The following GFRA1 variants were observed in gnomAD, a reference collection of about 807,000 sequenced individuals.
GFRA1 encodes GDNF family receptor alpha 1.
In GFRA1, 16 loss-of-function variants were observed where a neutral mutation model predicts 51.6. The ratio of observed to expected loss-of-function variants is 0.31; its 90% confidence interval spans 0.21 to 0.47. GFRA1 has a LOEUF of 0.47. Ranked by LOEUF, GFRA1 falls within the 20% of genes least tolerant of loss-of-function variation. GFRA1 has a pLI of 1.00. For missense variants in GFRA1, 530 were observed against 594.3 expected (o/e 0.89, Z 1.13); for synonymous variants, 270 against 241.3 (o/e 1.12, Z -1.10).
chr10:116,123,544 A>C (rs994006842), intron 6 of GFRA1, among the ~76,000 whole-genome samples: 1 of 152,008 alleles, frequency 6.6e-6, no homozygotes, highest in African/African-American at 2.4e-5. Context: ...ACCAGAATAA[A>C]ACTTAAGTTG....
At chr10:116,231,336 T>C (rs1966664468) in intron 4 of GFRA1, among the ~76,000 whole-genome samples, 1 of 152,162 alleles carries the variant, frequency 6.6e-6, no homozygotes, top group Non-Finnish European at 1.5e-5. Context: ...TGAGCCTCAG[T>C]TTCTTCATGT....
chr10:116,129,184 T>C (rs1006791958), intron 5 of GFRA1, among the ~76,000 whole-genome samples: 11 of 152,304 alleles, frequency 7.2e-5, no homozygotes, highest in Admixed American at 3.9e-4. Context: ...ACTTGACATT[T>C]GAGGTCAGCA....
At chr10:116,089,298 T>C (rs933150963) in intron 9 of GFRA1, among the ~76,000 whole-genome samples, 5 of 152,088 alleles carry the variant, frequency 3.3e-5, no homozygotes, top group Non-Finnish European at 5.9e-5. Context: ...CTGTCTCTGG[T>C]TTACCTTTAG....
intron 4 of GFRA1, among the ~76,000 whole-genome samples, chr10:116,242,580 C>G (rs1286143417): frequency 6.6e-6 from 1 of 151,758 alleles, no homozygotes; most frequent in African/African-American, 2.4e-5. Context: ...CTCCCGGGTT[C>G]AAGCAATTCT....
chr10:116,135,974 T>G (rs77230825), intron 5 of GFRA1, among the ~76,000 whole-genome samples: 2,520 of 148,826 alleles, frequency 0.017, 70 homozygotes, highest in African/African-American at 0.059. Flanking sequence ...TTACATGTAG[T>G]ACTGGCTCTC....
chr10:116,060,014 A>G lies in GFRA1; in HGVS notation c.*4384T>C, dbSNP rs1244308147. 6.6e-6 allele frequency: 1 copy of G among 152,216 alleles called. No homozygotes were observed. Among genetic ancestry groups the G allele is most frequent in the African/African-American group, 2.4e-5 (1 of 41,452 alleles). The allele number at this position is 152,216 out of a possible 1,614,324, so 9.4% of individuals were successfully genotyped here. On this transcript the variant is annotated 3_prime_UTR_variant, in exon 11 of 11. Coordinates refer to ENST00000355422, the MANE Select transcript of GFRA1 (RefSeq NM_005264.8). Reference sequence around the variant, plus strand: ...CAAGGTGGTGGAGGGAGGCCTGAATAATAACGATGAAAGAGAGCTGAATCA... The same window carrying G: ...CAAGGTGGTGGAGGGAGGCCTGAATGATAACGATGAAAGAGAGCTGAATCA...
chr10:116,236,102 C>CT (rs1253157947), intron 4 of GFRA1, among the ~76,000 whole-genome samples: 1 of 152,132 alleles, frequency 6.6e-6, no homozygotes, highest in African/African-American at 2.4e-5. Flanking sequence ...TCTGTTCTGA[C>CT]TAAAATTCAC....
intron 5 of GFRA1, among the ~76,000 whole-genome samples, chr10:116,170,668 T>C (rs936579913): frequency 6.6e-6 from 1 of 152,206 alleles, no homozygotes; most frequent in African/African-American, 2.4e-5. Flanking sequence ...GAAGCTCAGA[T>C]TCAATTCTCC....
intron 9 of GFRA1, among the ~76,000 whole-genome samples, chr10:116,070,705 T>G (rs927432065): frequency 6.6e-6 from 1 of 150,422 alleles, no homozygotes; most frequent in African/African-American, 2.4e-5. Flanking sequence ...AAAAAGAAGC[T>G]CCTTGTTAGT....
At chr10:116,108,356 C>A (rs1415882981) in intron 6 of GFRA1, among the ~76,000 whole-genome samples, 1 of 152,116 alleles carries the variant, frequency 6.6e-6, no homozygotes, top group East Asian at 1.9e-4. Flanking sequence ...GGAATTGTGG[C>A]ATTAGACGTC....
At chr10:116,118,239 C>T (rs988753985) in intron 6 of GFRA1, among the ~76,000 whole-genome samples, 1 of 152,184 alleles carries the variant, frequency 6.6e-6, no homozygotes, top group Non-Finnish European at 1.5e-5. Context: ...ACTCTGCGCT[C>T]ATCGCTTCTC....
chr10:116,203,683 G>C (rs1964512730), intron 5 of GFRA1, among the ~76,000 whole-genome samples: 1 of 152,168 alleles, frequency 6.6e-6, no homozygotes. Context: ...CTAGCCCGAG[G>C]ACAAACTCAT....
intron 6 of GFRA1, among the ~76,000 whole-genome samples, chr10:116,104,285 T>C (rs932619817): frequency 6.6e-6 from 1 of 152,256 alleles, no homozygotes; most frequent in Non-Finnish European, 1.5e-5. Flanking sequence ...AAGGCCCCTG[T>C]GGCCAAGTAC....
chr10:116,210,049 T>G (rs1965071365), intron 5 of GFRA1, among the ~76,000 whole-genome samples: 2 of 152,166 alleles, frequency 1.3e-5, no homozygotes, highest in South Asian at 4.1e-4. Context: ...AGCCAGTGAT[T>G]TGTAGATGAT....
At chr10:116,121,022 C>A (rs915632413) in intron 6 of GFRA1, among the ~76,000 whole-genome samples, 1 of 152,132 alleles carries the variant, frequency 6.6e-6, no homozygotes, top group East Asian at 1.9e-4. Flanking sequence ...TCGATGGAAA[C>A]ATGAGGGAGC....
At chr10:116,119,692 T>C (rs1483154048) in intron 6 of GFRA1, among the ~76,000 whole-genome samples, 1 of 152,220 alleles carries the variant, frequency 6.6e-6, no homozygotes, top group African/African-American at 2.4e-5. Context: ...GCCCAAACAG[T>C]AGAGGATGTC....
rs1163505635 is a variant in GFRA1 at position 116,062,253 on chromosome 10, T to C, written c.*2145A>G. On this transcript the variant is annotated 3_prime_UTR_variant, in exon 11 of 11. Transcript: ENST00000355422. Reference sequence around the variant, plus strand: ...TTAGTCCAGTGTAGATACACAGAGATACCTTAATGAAAACAAAATACACTC... The same window carrying C: ...TTAGTCCAGTGTAGATACACAGAGACACCTTAATGAAAACAAAATACACTC... The C allele has an allele frequency of 2.5e-6, 1 of 397,396 alleles. No homozygotes were observed. Among genetic ancestry groups the C allele is most frequent in the Non-Finnish European group, 4.4e-6 (1 of 225,704 alleles). The allele number at this position is 397,396 out of a possible 1,614,324, so 24.6% of individuals were successfully genotyped here. A position where few individuals can be genotyped will look rare whatever the true frequency, so the allele number is the denominator to read the frequency against.
rs576231570 is a variant in GFRA1, at chr10:116,096,601, C to A, written c.880+54G>T. On this transcript the variant is annotated intron_variant, in intron 7 of 10. Transcript: ENST00000355422. ...CATCAGCAAGGCGCAATGGAAAGAACGCAGGTATATGCAAACCACACTCTT... is the reference window on the plus strand; with the variant it reads ...CATCAGCAAGGCGCAATGGAAAGAAAGCAGGTATATGCAAACCACACTCTT... 373 of 943,742 alleles carry A rather than the reference C, an allele frequency of 4.0e-4. 1 individual carries two copies. The Middle Eastern group carries it at 6.8e-3, about 17-fold the overall frequency. The allele number at this position is 943,742 out of a possible 1,614,324, so 58.5% of individuals were successfully genotyped here.
chr10:116,257,815 G>A (rs897121144), intron 4 of GFRA1, among the ~76,000 whole-genome samples: 1 of 152,164 alleles, frequency 6.6e-6, no homozygotes, highest in Non-Finnish European at 1.5e-5. Context: ...GATGACAAAG[G>A]TCAAGCCCCT....
Sources: gnomAD v4.1 joint callset for allele counts (sites outside exome capture counted in the v4.1 genomes callset) on GRCh38, gnomAD v4.1.1 for gene constraint, MANE v1.5 for transcripts, NCBI Gene and HGNC (gene_info 2026-07-23, HGNC 2026-07-21) for gene names.